Variants in DAB1 observed in about 807,000 individuals in gnomAD.
The protein encoded by DAB1 is DAB adaptor protein 1, also known as disabled homolog 1.
Under a neutral mutation model 64.6 loss-of-function variants are expected in DAB1, and 15 were observed. The ratio of observed to expected loss-of-function variants is 0.23; its 90% CI spans 0.16 to 0.36. The LOEUF (loss-of-function observed/expected upper bound fraction) is 0.36, where lower values mean the gene tolerates loss of function less well. DAB1 is among the 10% of genes least tolerant of loss of function. DAB1 has a pLI of 1.00. For missense variants in DAB1, 596 were observed against 706.7 expected (o/e 0.84, Z 1.78); for synonymous variants, 235 against 251.9 (o/e 0.93, Z 0.64).
At chr1:57,872,130 C>T (rs1557529199) in intron 1 of DAB1, among the ~76,000 whole-genome samples, 2 of 152,106 alleles carry the variant, frequency 1.3e-5, no homozygotes, top group Non-Finnish European at 2.9e-5. Context: ...CAATCAAATA[C>T]TTTAAAAGTT....
chr1:57,574,904 C>CCTTT (rs1271397197), intron 7 of DAB1, among the ~76,000 whole-genome samples: 2 of 152,164 alleles, frequency 1.3e-5, no homozygotes, highest in African/African-American at 4.8e-5. Context: ...GCAGGGCCTG[C>CCTTT]CTTTCTTTCT....
intron 5 of DAB1, among the ~76,000 whole-genome samples, chr1:58,138,257 T>C (rs1570404878): frequency 6.6e-6 from 1 of 152,178 alleles, no homozygotes; most frequent in Admixed American, 6.5e-5. Context: ...CCCTTAGTCA[T>C]GCAGATAGTA....
chr1:58,009,310 G>A (rs1266601953), intron 5 of DAB1, among the ~76,000 whole-genome samples: 1 of 152,130 alleles, frequency 6.6e-6, no homozygotes, highest in Non-Finnish European at 1.5e-5. Context: ...TCAGTGAGTG[G>A]TTAATCTCTA....
intron 4 of DAB1, among the ~76,000 whole-genome samples, chr1:57,100,870 G>A (rs1202379254): frequency 6.6e-6 from 1 of 152,086 alleles, no homozygotes; most frequent in African/African-American, 2.4e-5. Flanking sequence ...AGGCAGGAGA[G>A]AAAAGCAGAA....
intron 5 of DAB1, among the ~76,000 whole-genome samples, chr1:57,943,626 A>C (rs542339351): frequency 6.6e-6 from 1 of 152,326 alleles, no homozygotes; most frequent in Non-Finnish European, 1.5e-5. Flanking sequence ...CCAGTGGAAA[A>C]GCACATAATT....
chr1:57,748,730 T>C (rs1365075009), intron 6 of DAB1, among the ~76,000 whole-genome samples: 3 of 152,006 alleles, frequency 2.0e-5, no homozygotes, highest in Non-Finnish European at 4.4e-5. Context: ...TTTAAAGGAC[T>C]ACTGTGTGGA....
intron 7 of DAB1, among the ~76,000 whole-genome samples, chr1:57,595,693 G>A (rs1645500820): frequency 1.3e-5 from 2 of 151,904 alleles, no homozygotes; most frequent in South Asian, 4.2e-4. Flanking sequence ...TCTGGTGAGA[G>A]GTGATTTGAT....
chr1:57,439,855 G>A (rs1320689271), intron 7 of DAB1, among the ~76,000 whole-genome samples: 2 of 152,138 alleles, frequency 1.3e-5, no homozygotes, highest in Non-Finnish European at 2.9e-5. Flanking sequence ...GAGGAAATTA[G>A]TGCCTTTCAA....
intron 1 of DAB1, among the ~76,000 whole-genome samples, chr1:57,868,915 G>A (rs1330117117): frequency 6.6e-6 from 1 of 151,996 alleles, no homozygotes; most frequent in Non-Finnish European, 1.5e-5. Context: ...GTATTCAGAA[G>A]GCATCTTGAT....
At chr1:57,964,564 C>T (rs915061029) in intron 5 of DAB1, among the ~76,000 whole-genome samples, 1 of 152,164 alleles carries the variant, frequency 6.6e-6, no homozygotes, top group African/African-American at 2.4e-5. Flanking sequence ...TACCGAGTGT[C>T]TATAATGTGA....
At chr1:58,338,924 AC>A (rs2100502971) in intron 4 of DAB1, among the ~76,000 whole-genome samples, 1 of 152,336 alleles carries the variant, frequency 6.6e-6, no homozygotes, top group Non-Finnish European at 1.5e-5. Flanking sequence ...CACATATTGC[AC>A]CATTCCATGT....
intron 7 of DAB1, among the ~76,000 whole-genome samples, chr1:57,577,823 C>T (rs1233494728): frequency 6.6e-6 from 1 of 152,234 alleles, no homozygotes; most frequent in East Asian, 1.9e-4. Flanking sequence ...TGCCATTTTG[C>T]ATCCTCTTTT....
At chr1:58,534,458 T>C (rs925335858) in intron 1 of DAB1, 5 of 537,860 alleles carry the variant, frequency 9.3e-6, no homozygotes, top group African/African-American at 7.9e-5. Flanking sequence ...AATCTGCATA[T>C]ATTAAGCACT....
At chr1:58,027,820 A>T (rs1646916067) in intron 5 of DAB1, among the ~76,000 whole-genome samples, 1 of 152,212 alleles carries the variant, frequency 6.6e-6, no homozygotes, top group South Asian at 2.1e-4. Context: ...GTGTTTAAAT[A>T]GGTTTTCCAG....
At chr1:57,990,102 G>C (rs1646309175) in intron 5 of DAB1, among the ~76,000 whole-genome samples, 1 of 152,060 alleles carries the variant, frequency 6.6e-6, no homozygotes, top group Admixed American at 6.5e-5. Context: ...GGAAGGCAAG[G>C]GCAGGAATAG....
intron 1 of DAB1, among the ~76,000 whole-genome samples, chr1:57,390,681 C>A (rs189577288): frequency 6.6e-6 from 1 of 152,200 alleles, no homozygotes; most frequent in African/African-American, 2.4e-5. Flanking sequence ...CCTCCAAGGA[C>A]AAGACAAGGA....
chr1:57,966,627 G>C (rs963126698), intron 5 of DAB1, among the ~76,000 whole-genome samples: 1 of 152,132 alleles, frequency 6.6e-6, no homozygotes, highest in Admixed American at 6.5e-5. Flanking sequence ...TTATGTTTTG[G>C]GGTAATTCGT....
chr1:57,140,136 T>A (rs1396049383), intron 3 of DAB1, among the ~76,000 whole-genome samples: 2 of 152,136 alleles, frequency 1.3e-5, no homozygotes, highest in Non-Finnish European at 1.5e-5. Flanking sequence ...ACAGCTCTGG[T>A]TAGGGAGTCA....
chr1:57,675,257 A>G (rs1646552507), intron 6 of DAB1, among the ~76,000 whole-genome samples: 2 of 152,212 alleles, frequency 1.3e-5, no homozygotes, highest in African/African-American at 4.8e-5. Flanking sequence ...AAGCCTAACT[A>G]ATTTACCTAA....
Sources: allele counts gnomAD v4.1 joint callset (sites outside exome capture counted in the v4.1 genomes callset), GRCh38; gene constraint gnomAD v4.1.1; transcripts MANE v1.5; gene names NCBI Gene and HGNC (gene_info 2026-07-23, HGNC 2026-07-21).